The following EIF4H variants were observed in gnomAD, a reference collection of about 807,000 sequenced individuals.
The protein encoded by EIF4H is Williams-Beuren syndrome chromosome region 1.
In EIF4H, 8 loss-of-function variants were observed where a neutral mutation model predicts 30.6. The ratio of observed to expected loss-of-function variants is 0.26; its 90% CI spans 0.15 to 0.47. The LOEUF (loss-of-function observed/expected upper bound fraction) is 0.47, where lower values mean the gene tolerates loss of function less well. EIF4H is among the 20% of genes least tolerant of loss of function. The pLI is 0.99. For synonymous variants in EIF4H, 106 were observed against 122.7 expected (o/e 0.86, Z 0.90); for missense variants, 188 against 339.5 (o/e 0.55, Z 3.51).
At position 74,184,449 on chromosome 7, in the gene EIF4H, A is replaced by G. The variant is rs183437958; in HGVS notation, c.60-3162A>G. Among the ~76,000 whole-genome samples the G allele has an allele frequency of 1.4e-4, 21 of 152,254 alleles. No individual in the cohort carries two copies. The East Asian group carries it at 4.0e-3, about 29-fold the overall frequency. On this transcript the variant is annotated intron_variant, in intron 1 of 6. Transcript: ENST00000265753. ...TTTTTAGTTTTTATGTATATGTTAC[A>G]CATTCATACACACAAACATACCTGC...
At chr7:74,188,481 G>A (rs1801137851) in intron 2 of EIF4H, among the ~76,000 whole-genome samples, 1 of 152,162 alleles carries the variant, frequency 6.6e-6, no homozygotes, top group Non-Finnish European at 1.5e-5. Context: ...ACAAGTATGG[G>A]GTAACTTGGG....
rs1171750800 is a variant in EIF4H, at chr7:74,195,577, T to G, written c.*269T>G. The stretch of plus-strand genomic sequence containing the variant: ...CCTTCTGTCCTTTTTCTCCTGCTCC[T>G]TGTTTTCCCAGCAGCACATGGGGTT... On this transcript the variant is annotated 3_prime_UTR_variant, in exon 7 of 7. Coordinates refer to ENST00000265753, the MANE Select transcript of EIF4H (RefSeq NM_022170.2). The G allele has an allele frequency of 6.2e-6, 2 of 325,098 alleles. No individual in the cohort carries two copies. The highest frequency in any genetic ancestry group is 7.3e-5 in the South Asian group (1 of 13,622). 20.1% of individuals were successfully genotyped at this position (325,098 alleles called of 1,614,324 possible).
chr7:74,191,304 T>C, intron 5 of EIF4H: 1 of 531,048 alleles, frequency 1.9e-6, no homozygotes, highest in South Asian at 1.4e-5. Context: ...AGCTGTCTTC[T>C]TAGAGCCAAC....
In EIF4H at chr7:74,186,227, C is replaced by CT. The variant is rs5884935; in HGVS notation, c.60-1370dup. 3.9e-3 allele frequency among the ~76,000 whole-genome samples: 565 copies of CT among 143,130 alleles called. 9 individuals are homozygous for CT. The East Asian group carries it at 0.041, about 10-fold the overall frequency. The allele number at this position is 143,130 out of a possible 152,430, so 93.9% of individuals were successfully genotyped here. A position where few individuals can be genotyped will look rare whatever the true frequency, so the allele number is the denominator to read the frequency against. The stretch of plus-strand genomic sequence containing the variant: ...ATCTATTTATACTATATTCTGATGT[C>CT]TTTTTTTTTTTTTTGAGATGGACTC... On this transcript the variant is annotated intron_variant, in intron 1 of 6. Coordinates refer to ENST00000265753, the MANE Select transcript of EIF4H (RefSeq NM_022170.2).
At position 74,194,726 on chromosome 7, in the gene EIF4H, C is replaced by T; in HGVS notation, c.470-15C>T. The T allele has an allele frequency of 1.3e-6, 2 of 1,560,732 alleles. No individual in the cohort carries two copies. Among genetic ancestry groups the T allele is most frequent in the Non-Finnish European group, 1.7e-6 (2 of 1,146,462 alleles). The stretch of plus-strand genomic sequence containing the variant: ...ATAGTTTGAAAAGTAATTCAGTGTC[C>T]TGTTTCTTCCTCAGGCTTCAGGGAT... On this transcript the variant is annotated splice_polypyrimidine_tract_variant and intron_variant, in intron 5 of 6. Coordinates refer to ENST00000265753, the MANE Select transcript of EIF4H (RefSeq NM_022170.2).
chr7:74,174,722 C>T (rs1276862147), intron 1 of EIF4H, among the ~76,000 whole-genome samples: 3 of 152,332 alleles, frequency 2.0e-5, no homozygotes, highest in African/African-American at 7.2e-5. Context: ...CGCGGCGGCG[C>T]CGATGCCCGG....
At chr7:74,178,806 T>G (rs1800894754) in intron 1 of EIF4H, among the ~76,000 whole-genome samples, 2 of 152,318 alleles carry the variant, frequency 1.3e-5, no homozygotes, top group South Asian at 4.1e-4. Flanking sequence ...CAGCTGTATG[T>G]ACGTCTAAGA....
In EIF4H at chr7:74,186,788, ATTTTTTTTTTTTT is replaced by A. The variant is rs564794579; in HGVS notation, c.60-783_60-771del. Among the ~76,000 whole-genome samples the A allele has an allele frequency of 3.2e-3, 224 of 70,090 alleles. 60 individuals are homozygous for A. The highest frequency in any genetic ancestry group is 3.8e-3 in the African/African-American group (78 of 20,534). 46.0% of individuals were successfully genotyped at this position (70,090 alleles called of 152,430 possible). ...GCCCATAATCAGGCAACAAGGAGAA[ATTTTTTTTTTTTT>A]TTTTTTTTTTTTTTTTTTTTTTTTT... is the stretch of plus-strand genomic sequence containing the variant. On this transcript the variant is annotated intron_variant, in intron 1 of 6. Transcript: ENST00000265753.
chr7:74,184,627 C>A (rs1801041837), intron 1 of EIF4H, among the ~76,000 whole-genome samples: 1 of 151,784 alleles, frequency 6.6e-6, no homozygotes, highest in Admixed American at 6.6e-5. Context: ...TGGTTTTCCA[C>A]ATGTTTATAC....
In EIF4H at chr7:74,195,424, A is replaced by T. The variant is rs1234995896; in HGVS notation, c.*116A>T. 2 of 1,233,514 alleles carry T rather than the reference A, an allele frequency of 1.6e-6. No homozygotes were observed. Among genetic ancestry groups the T allele is most frequent in the African/African-American group, 3.0e-5 (2 of 65,990 alleles). 76.4% of individuals were successfully genotyped at this position (1,233,514 alleles called of 1,614,324 possible). A position where few individuals can be genotyped will look rare whatever the true frequency, so the allele number is the denominator to read the frequency against. ...CTGCGCCTGCCATTGGCCTCCTCAC[A>T]GCGGAAACACAGCTTGTGAGTGCAT... On this transcript the variant is annotated 3_prime_UTR_variant, in exon 7 of 7. Transcript: ENST00000265753.
Position 74,189,588 on chromosome 7 carries a change from C to T in EIF4H, c.248-85C>T, listed in dbSNP as rs940612117. On this transcript the variant is annotated intron_variant, in intron 2 of 6. Coordinates refer to ENST00000265753, the MANE Select transcript of EIF4H (RefSeq NM_022170.2). ...CTAGACAACAGAATGGTAGTTGTGACGTGGAGAAGTAGTATGAATAGGATC... is the reference window on the plus strand; with the variant it reads ...CTAGACAACAGAATGGTAGTTGTGATGTGGAGAAGTAGTATGAATAGGATC... The T allele has an allele frequency of 2.0e-5, 30 of 1,467,570 alleles. No individual in the cohort carries two copies. The South Asian group carries it at 2.5e-4, about 12-fold the overall frequency. The allele number at this position is 1,467,570 out of a possible 1,614,324, so 90.9% of individuals were successfully genotyped here. A position where few individuals can be genotyped will look rare whatever the true frequency, so the allele number is the denominator to read the frequency against.
chr7:74,185,900 A>G (rs1801069089), intron 1 of EIF4H, among the ~76,000 whole-genome samples: 1 of 152,166 alleles, frequency 6.6e-6, no homozygotes, highest in South Asian at 2.1e-4. Context: ...GAAATGGGTT[A>G]AATGTCTGTT....
chr7:74,183,198 T>C (rs1801003226), intron 1 of EIF4H, among the ~76,000 whole-genome samples: 2 of 152,200 alleles, frequency 1.3e-5, no homozygotes, highest in Admixed American at 1.3e-4. Flanking sequence ...GAGGCTGTAA[T>C]TGACTACTTT....
chr7:74,192,956 G>T (rs1291236934), intron 5 of EIF4H, among the ~76,000 whole-genome samples: 1 of 152,180 alleles, frequency 6.6e-6, no homozygotes, highest in East Asian at 1.9e-4. Context: ...GGGATTACAG[G>T]CGTGAGCCAC....
rs149666895 is a variant in EIF4H at position 74,185,139 on chromosome 7, G to A, written c.60-2472G>A. Among the ~76,000 whole-genome samples, 95 of 151,640 alleles carry A rather than the reference G, an allele frequency of 6.3e-4. 3 individuals are homozygous for A. The highest frequency in any genetic ancestry group is 3.4e-3 in the Middle Eastern group (1 of 294). ...CCAGGTAGCTTGGGACTACAAGTGT[G>A]GACCATCACTCCCGGCTAATTTTTT... On this transcript the variant is annotated intron_variant, in intron 1 of 6. Coordinates refer to ENST00000265753, the MANE Select transcript of EIF4H (RefSeq NM_022170.2).
In EIF4H at chr7:74,195,381, G is replaced by A. The variant is rs555278621; in HGVS notation, c.*73G>A. On this transcript the variant is annotated 3_prime_UTR_variant, in exon 7 of 7. Coordinates refer to ENST00000265753, the MANE Select transcript of EIF4H (RefSeq NM_022170.2). ...CAGCCTGGTGAGTCCCCGGGCAGCC[G>A]TCCTGCAGCCGCCACTCCTGCGCCT... The A allele has an allele frequency of 2.4e-5, 35 of 1,451,964 alleles. No individual in the cohort carries two copies. Among genetic ancestry groups the A allele is most frequent in the African/African-American group, 1.4e-4 (10 of 70,142 alleles). The allele number at this position is 1,451,964 out of a possible 1,614,324, so 89.9% of individuals were successfully genotyped here. A position where few individuals can be genotyped will look rare whatever the true frequency, so the allele number is the denominator to read the frequency against.
rs551347269 is a variant in EIF4H at position 74,190,576 on chromosome 7, C to G, written c.469+270C>G. On this transcript the variant is annotated intron_variant, in intron 5 of 6. Transcript: ENST00000265753. ...TGGGTCCTTGAGCTCGCTCAGCAGT[C>G]TTTCTCAGACTCTAGCCCAGGGAAA... Among the ~76,000 whole-genome samples, 7 of 152,342 alleles carry G rather than the reference C, an allele frequency of 4.6e-5. No homozygotes were observed. The East Asian group carries it at 1.3e-3, about 29-fold the overall frequency.
chr7:74,196,937 C>A lies in EIF4H; in HGVS notation c.*1629C>A, dbSNP rs1198146341. 1.3e-5 allele frequency: 2 copies of A among 152,576 alleles called. No individual in the cohort carries two copies. Among genetic ancestry groups the A allele is most frequent in the African/African-American group, 4.8e-5 (2 of 41,432 alleles). The allele number at this position is 152,576 out of a possible 1,614,324, so 9.5% of individuals were successfully genotyped here. A position where few individuals can be genotyped will look rare whatever the true frequency, so the allele number is the denominator to read the frequency against. On this transcript the variant is annotated 3_prime_UTR_variant, in exon 7 of 7. Transcript: ENST00000265753. ...TCTTCAATGTGGATAAGATAAAGAACAAAACACATGCATCTAAACTGCTGG... is the reference window on the plus strand; with the variant it reads ...TCTTCAATGTGGATAAGATAAAGAAAAAAACACATGCATCTAAACTGCTGG...
intron 1 of EIF4H, 138 bp downstream of exon 1, chr7:74,174,580 G>A: frequency 1.2e-6 from 1 of 818,478 alleles, no homozygotes; most frequent in South Asian, 5.9e-5. Context: ...GCGCCTGGAG[G>A]GCCGGGGCCT....
Sources: gnomAD v4.1 joint callset for allele counts (sites outside exome capture counted in the v4.1 genomes callset) on GRCh38, gnomAD v4.1.1 for gene constraint, MANE v1.5 for transcripts, NCBI Gene and HGNC (gene_info 2026-07-23, HGNC 2026-07-21) for gene names.